Variants in KDM4C observed in about 807,000 individuals in gnomAD.
KDM4C encodes lysine-specific demethylase 4C.
Under a neutral mutation model 129.3 loss-of-function variants are expected in KDM4C, and 81 were observed. The observed-to-expected ratio is 0.63, with a 90% CI of 0.52 to 0.75. The LOEUF is 0.75. Among genes scored for constraint, KDM4C ranks in the 30% least tolerant of loss-of-function variants. The pLI is 0.00. For synonymous variants in KDM4C, 573 were observed against 456.1 expected, an observed-to-expected ratio of 1.26 and a Z score of -3.26; for missense variants, 1,457 against 1,304.0, an observed-to-expected ratio of 1.12 and a Z score of -1.81.
chr9:6,773,239 C>G (rs1050897501), intron 1 of KDM4C, among the ~76,000 whole-genome samples: 1 of 151,874 alleles, frequency 6.6e-6, no homozygotes, highest in African/African-American at 2.4e-5. Flanking sequence ...TGAGCTTAAG[C>G]GATCCTCCTG....
At chr9:6,747,247 A>G (rs1376508174) in intron 1 of KDM4C, among the ~76,000 whole-genome samples, 2 of 151,726 alleles carry the variant, frequency 1.3e-5, no homozygotes, top group Non-Finnish European at 2.9e-5. Context: ...AGAACAATTT[A>G]AGACACAAGA....
chr9:6,722,390 T>C (rs1816984125), intron 1 of KDM4C, among the ~76,000 whole-genome samples: 1 of 151,984 alleles, frequency 6.6e-6, no homozygotes, highest in Non-Finnish European at 1.5e-5. Flanking sequence ...TATTTAGAGA[T>C]TTGGAGGCTG....
At chr9:6,856,332 T>C (rs1327453849) in intron 5 of KDM4C, among the ~76,000 whole-genome samples, 1 of 152,208 alleles carries the variant, frequency 6.6e-6, no homozygotes, top group East Asian at 1.9e-4. Context: ...TAAGACTTAC[T>C]GGATGGTGTA....
At chr9:6,936,001 G>A (rs1824713770) in intron 8 of KDM4C, among the ~76,000 whole-genome samples, 1 of 152,104 alleles carries the variant, frequency 6.6e-6, no homozygotes, top group Non-Finnish European at 1.5e-5. Flanking sequence ...TCAGAAAAGT[G>A]TACTTATGTT....
intron 8 of KDM4C, among the ~76,000 whole-genome samples, chr9:6,909,427 G>T (rs532495577): frequency 6.6e-6 from 1 of 152,148 alleles, no homozygotes; most frequent in South Asian, 2.1e-4. Context: ...ATCTGATCTA[G>T]CACATCCAGT....
Position 7,127,911 on chromosome 9 carries a change from A to C in KDM4C, c.2611-155A>C. On this transcript the variant is annotated intron_variant, in intron 18 of 21. Coordinates refer to ENST00000381309, the MANE Select transcript of KDM4C (RefSeq NM_015061.6). ...TTTGTCTTCTTGCAACTTTTCTGTA[A>C]GTTTGAAATTATTCTTCAATATTAA... is the stretch of plus-strand genomic sequence containing the variant. 6.6e-6 allele frequency: 4 copies of C among 604,512 alleles called. No homozygotes were observed. The East Asian group carries it at 9.6e-5, about 14-fold the overall frequency. The allele number at this position is 604,512 out of a possible 1,614,324, so 37.4% of individuals were successfully genotyped here.
intron 19 of KDM4C, among the ~76,000 whole-genome samples, chr9:7,140,094 T>C (rs1459207061): frequency 6.6e-6 from 1 of 152,198 alleles, no homozygotes; most frequent in African/African-American, 2.4e-5. Context: ...ATCCAGAAGC[T>C]GCTGCTCACC....
At chr9:6,841,320 A>T (rs1251539533) in intron 4 of KDM4C, among the ~76,000 whole-genome samples, 1 of 152,122 alleles carries the variant, frequency 6.6e-6, no homozygotes, top group Non-Finnish European at 1.5e-5. Context: ...GATAATATTG[A>T]AGGTGCTGAG....
chr9:6,807,029 C>T (rs1278503380), intron 3 of KDM4C, among the ~76,000 whole-genome samples: 2 of 152,168 alleles, frequency 1.3e-5, no homozygotes, highest in Admixed American at 1.3e-4. Context: ...CTGCCGAATG[C>T]CTGCGATTGC....
intron 15 of KDM4C, among the ~76,000 whole-genome samples, chr9:7,032,962 C>T (rs10283547): frequency 0.063 from 9,557 of 152,110 alleles, 446 homozygotes; most frequent in African/African-American, 0.13. Context: ...AGGACCTTTC[C>T]CAGAACTGGA....
chr9:7,159,570 T>G (rs1157009872), intron 19 of KDM4C, among the ~76,000 whole-genome samples: 1 of 152,210 alleles, frequency 6.6e-6, no homozygotes, highest in East Asian at 1.9e-4. Flanking sequence ...GTAAAGGATT[T>G]TATTTCTCCT....
intron 18 of KDM4C, among the ~76,000 whole-genome samples, chr9:7,124,510 C>T (rs1839835058): frequency 6.6e-6 from 1 of 152,112 alleles, no homozygotes; most frequent in African/African-American, 2.4e-5. Context: ...CATCAGTCTG[C>T]ATGCTGTGCC....
chr9:6,832,671 C>T lies in KDM4C; in HGVS notation c.436-16836C>T, dbSNP rs191935088. On this transcript the variant is annotated intron_variant, in intron 4 of 21. Coordinates refer to ENST00000381309, the MANE Select transcript of KDM4C (RefSeq NM_015061.6). ...CGATCTCCTGACCACGTAATCCACC[C>T]GCCTCGGCCTCCCAAAGTGCTGGGA... is the stretch of plus-strand genomic sequence containing the variant. Among the ~76,000 whole-genome samples the T allele has an allele frequency of 7.7e-3, 1,167 of 151,044 alleles. 16 individuals are homozygous for T. The highest frequency in any genetic ancestry group is 0.027 in the African/African-American group (1,114 of 41,204).
At chr9:7,130,173 A>G (rs1349265415) in intron 19 of KDM4C, among the ~76,000 whole-genome samples, 1 of 152,208 alleles carries the variant, frequency 6.6e-6, no homozygotes, top group Non-Finnish European at 1.5e-5. Context: ...CAAAAGACAG[A>G]AGACCTTTTG....
intron 8 of KDM4C, among the ~76,000 whole-genome samples, chr9:6,974,187 C>T (rs529655697): frequency 1.3e-5 from 2 of 152,256 alleles, no homozygotes; most frequent in South Asian, 2.1e-4. Context: ...GACTTACTTC[C>T]TAAGGTTCAG....
intron 19 of KDM4C, among the ~76,000 whole-genome samples, chr9:7,155,822 T>A (rs900173077): frequency 6.6e-6 from 1 of 152,250 alleles, no homozygotes; most frequent in African/African-American, 2.4e-5. Context: ...TAAACATACA[T>A]GTGCATGTGT....
At chr9:6,839,044 T>G (rs919660043) in intron 4 of KDM4C, among the ~76,000 whole-genome samples, 5 of 152,244 alleles carry the variant, frequency 3.3e-5, no homozygotes, top group African/African-American at 1.2e-4. Flanking sequence ...CCTTTGAAAC[T>G]TCAAGGGCTT....
intron 12 of KDM4C, among the ~76,000 whole-genome samples, chr9:6,991,844 T>TTTAA (rs1482777408): frequency 6.6e-6 from 1 of 152,182 alleles, no homozygotes; most frequent in African/African-American, 2.4e-5. Context: ...AAGACCAGCC[T>TTTAA]GGGCAACTTG....
At chr9:6,864,595 C>T (rs1020292941) in intron 5 of KDM4C, among the ~76,000 whole-genome samples, 2 of 151,988 alleles carry the variant, frequency 1.3e-5, no homozygotes, top group African/African-American at 4.8e-5. Flanking sequence ...CTCAGCCCTC[C>T]ATAGCTGGGA....
Sources: gnomAD v4.1 joint callset for allele counts (sites outside exome capture counted in the v4.1 genomes callset) on GRCh38, gnomAD v4.1.1 for gene constraint, MANE v1.5 for transcripts, NCBI Gene and HGNC (gene_info 2026-07-23, HGNC 2026-07-21) for gene names.